SH3RF1: variants seen among roughly 807,000 people sequenced by gnomAD.
SH3RF1 encodes the protein E3 ubiquitin-protein ligase SH3RF1.
SH3RF1 carries 32 observed loss-of-function variants against 74.0 expected under a neutral mutation model. That is an observed-to-expected ratio of 0.43 (90% CI 0.33 to 0.58). The LOEUF (loss-of-function observed/expected upper bound fraction) is 0.58, where lower values mean the gene tolerates loss of function less well. Among genes scored for constraint, SH3RF1 ranks in the 20% least tolerant of loss-of-function variants. The pLI, the probability that SH3RF1 is intolerant of heterozygous loss-of-function variation, is 0.05. For synonymous variants in SH3RF1, 396 were observed against 439.6 expected (o/e 0.90, Z 1.24); for missense variants, 954 against 1,130.9 (o/e 0.84, Z 2.24).
chr4:169,154,365 G>A (rs1734019455), intron 4 of SH3RF1, among the ~76,000 whole-genome samples: 1 of 152,136 alleles, frequency 6.6e-6, no homozygotes. Context: ...TCTCTATGGA[G>A]GAAATTGAGT....
rs900680010 is a variant in SH3RF1 at position 169,096,367 on chromosome 4, T to C, written c.*152A>G. Reference sequence around the variant, plus strand: ...CAAACATCTTCTTCATTCTGCTCGCTGGGGTAACTGTGCTGGGGCATCAGA... The same window carrying C: ...CAAACATCTTCTTCATTCTGCTCGCCGGGGTAACTGTGCTGGGGCATCAGA... On this transcript the variant is annotated 3_prime_UTR_variant, in exon 12 of 12. Transcript: ENST00000284637. 13 of 743,102 alleles carry C rather than the reference T, an allele frequency of 1.7e-5. No homozygotes were observed. In the African/African-American group the frequency reaches 2.3e-4, roughly 13 times the overall value. 46.0% of individuals were successfully genotyped at this position (743,102 alleles called of 1,614,324 possible).
At chr4:169,255,622 T>TACACATACACACACACACACACACAC (rs1731176200) in intron 2 of SH3RF1, among the ~76,000 whole-genome samples, 1 of 124,660 alleles carries the variant, frequency 8.0e-6, no homozygotes. Flanking sequence ...CATACACACA[T>TACACATACACACACACACACACACAC]ACACACACAC....
At position 169,117,584 on chromosome 4, in the gene SH3RF1, C is replaced by T. The variant is rs1015717721; in HGVS notation, c.1716G>A (p.Lys572=). The T allele has an allele frequency of 6.2e-7, 1 of 1,614,220 alleles. No individual in the cohort carries two copies. Among genetic ancestry groups the T allele is most frequent in the African/African-American group, 1.3e-5 (1 of 75,056 alleles). ...AAHIQTSPQA[K]VLLHMTGQMT... ...TTTGCCCCGTCATGTGCAACAAGAC[C>T]TTAGCCTGAGGACTTGTCTGGATGT... is the stretch of plus-strand genomic sequence containing the variant. The change falls in exon 9 of 12, where the codon AAG becomes AAA. Residue 572 remains lysine, a synonymous_variant. Transcript: ENST00000284637.
Position 169,165,646 on chromosome 4 carries a change from G to A in SH3RF1, c.394-8967C>T, listed in dbSNP as rs541643768. Among the ~76,000 whole-genome samples, 177 of 151,694 alleles carry A rather than the reference G, an allele frequency of 1.2e-3. 1 individual carries two copies. Among genetic ancestry groups the A allele is most frequent in the African/African-American group, 4.1e-3 (167 of 41,224 alleles). Reference sequence around the variant, plus strand: ...CTCAGAGAAAAAAAGGCGGGGGGGGGAGTCAGGTAAGGCCTCAGTGAAATT... The same window carrying A: ...CTCAGAGAAAAAAAGGCGGGGGGGGAAGTCAGGTAAGGCCTCAGTGAAATT... On this transcript the variant is annotated intron_variant, in intron 2 of 11. Coordinates refer to ENST00000284637, the MANE Select transcript of SH3RF1 (RefSeq NM_020870.4).
intron 4 of SH3RF1, among the ~76,000 whole-genome samples, chr4:169,143,043 A>G (rs1411971684): frequency 6.6e-6 from 1 of 152,188 alleles, no homozygotes; most frequent in Non-Finnish European, 1.5e-5. Context: ...TTGATATGAA[A>G]GCCTCCCTCA....
At chr4:169,151,419 A>G (rs1320129878) in intron 4 of SH3RF1, among the ~76,000 whole-genome samples, 3 of 152,256 alleles carry the variant, frequency 2.0e-5, no homozygotes, top group Non-Finnish European at 4.4e-5. Flanking sequence ...TTACAAATGA[A>G]GAGCCAGGCC....
At chr4:169,179,001 G>C (rs1734467129) in intron 2 of SH3RF1, among the ~76,000 whole-genome samples, 1 of 152,200 alleles carries the variant, frequency 6.6e-6, no homozygotes, top group African/African-American at 2.4e-5. Context: ...ATGTGTGCTA[G>C]GCATAATAAT....
intron 2 of SH3RF1, among the ~76,000 whole-genome samples, chr4:169,263,887 C>T (rs1358166240): frequency 6.6e-6 from 1 of 152,228 alleles, no homozygotes; most frequent in African/African-American, 2.4e-5. Flanking sequence ...TTCCTTATAA[C>T]ATGCCTGTCT....
chr4:169,178,837 A>G (rs919135307), intron 2 of SH3RF1, among the ~76,000 whole-genome samples: 1 of 152,140 alleles, frequency 6.6e-6, no homozygotes, highest in African/African-American at 2.4e-5. Flanking sequence ...TCTCCCCCAA[A>G]ATGGGTTGTA....
At chr4:169,204,550 C>CTT (rs35188309) in intron 2 of SH3RF1, among the ~76,000 whole-genome samples, 166 of 114,138 alleles carry the variant, frequency 1.5e-3, no homozygotes, top group Middle Eastern at 4.6e-3. Flanking sequence ...ATTACCTTCT[C>CTT]TTTTTTTTTT....
chr4:169,197,624 C>CAA lies in SH3RF1; in HGVS notation c.394-40947_394-40946dup, dbSNP rs530886905. Among the ~76,000 whole-genome samples the CAA allele has an allele frequency of 3.9e-3, 449 of 114,108 alleles. 7 individuals carry two copies. The highest frequency in any genetic ancestry group is 0.014 in the African/African-American group (403 of 29,300). 74.9% of individuals were successfully genotyped at this position (114,108 alleles called of 152,430 possible). A position where few individuals can be genotyped will look rare whatever the true frequency, so the allele number is the denominator to read the frequency against. On this transcript the variant is annotated intron_variant, in intron 2 of 11. Transcript: ENST00000284637. ...GGGCGACAAAAGCAAGACTCTGTCT[C>CAA]AAAAAAAAAAAAAAAGCCCACCTTA...
chr4:169,186,478 T>C (rs185980406), intron 2 of SH3RF1, among the ~76,000 whole-genome samples: 1 of 152,196 alleles, frequency 6.6e-6, no homozygotes, highest in Admixed American at 6.5e-5. Context: ...GATTCCATTA[T>C]AAAACATCCT....
intron 6 of SH3RF1, among the ~76,000 whole-genome samples, chr4:169,128,638 T>C (rs1202520373): frequency 6.6e-6 from 1 of 152,062 alleles, no homozygotes; most frequent in African/African-American, 2.4e-5. Context: ...AAATAACAAA[T>C]AGGAAAAACA....
intron 2 of SH3RF1, among the ~76,000 whole-genome samples, chr4:169,206,702 C>T (rs571130736): frequency 6.6e-6 from 1 of 152,160 alleles, no homozygotes; most frequent in South Asian, 2.1e-4. Context: ...AAAGGTCTAA[C>T]CTTTATAGGG....
At chr4:169,196,571 T>C (rs965016466) in intron 2 of SH3RF1, among the ~76,000 whole-genome samples, 2 of 152,234 alleles carry the variant, frequency 1.3e-5, no homozygotes, top group Non-Finnish European at 2.9e-5. Flanking sequence ...GTGGGACTAG[T>C]ACTGTAGAAT....
At chr4:169,157,842 G>C (rs149532154) in intron 2 of SH3RF1, among the ~76,000 whole-genome samples, 312 of 151,972 alleles carry the variant, frequency 2.1e-3, no homozygotes, top group African/African-American at 6.5e-3. Context: ...CCTGGGTTGA[G>C]TGATTTTAAC....
chr4:169,160,943 CCT>C (rs1366314080), intron 2 of SH3RF1, among the ~76,000 whole-genome samples: 3 of 152,186 alleles, frequency 2.0e-5, no homozygotes, highest in Admixed American at 2.0e-4. Flanking sequence ...GAGGCACTGC[CCT>C]CTCATTCATC....
At chr4:169,180,368 T>C (rs572257243) in intron 2 of SH3RF1, among the ~76,000 whole-genome samples, 9 of 152,342 alleles carry the variant, frequency 5.9e-5, no homozygotes, top group East Asian at 1.9e-4. Context: ...CTCCACCTCA[T>C]TGAATTGTTG....
intron 2 of SH3RF1, among the ~76,000 whole-genome samples, chr4:169,183,036 T>C (rs1734539365): frequency 1.3e-5 from 2 of 152,018 alleles, no homozygotes; most frequent in African/African-American, 2.4e-5. Flanking sequence ...GCGGGCATGG[T>C]GGTTCATGCC....
Sources: gnomAD v4.1 joint callset for allele counts (sites outside exome capture counted in the v4.1 genomes callset) on GRCh38, gnomAD v4.1.1 for gene constraint, MANE v1.5 for transcripts, NCBI Gene and HGNC (gene_info 2026-07-23, HGNC 2026-07-21) for gene names.